Variants in PPFIA2 observed in about 807,000 individuals in gnomAD.
PPFIA2 encodes the protein PPFI scaffold protein A2, also known as liprin-alpha-2.
Under a neutral mutation model 175.5 loss-of-function variants are expected in PPFIA2, and 46 were observed. The observed-to-expected ratio is 0.26, with a 90% CI of 0.21 to 0.34. PPFIA2 has a LOEUF of 0.34. PPFIA2 is among the 10% of genes least tolerant of loss of function. The pLI, the probability that PPFIA2 is intolerant of heterozygous loss-of-function variation, is 1.00. For synonymous variants in PPFIA2, 568 were observed against 511.4 expected (o/e 1.11, Z -1.49); for missense variants, 1,179 against 1,506.1 (o/e 0.78, Z 3.60).
chr12:81,434,373 G>A (rs1450301265), intron 7 of PPFIA2, among the ~76,000 whole-genome samples: 1 of 151,992 alleles, frequency 6.6e-6, no homozygotes, highest in Admixed American at 6.6e-5. Flanking sequence ...CACTTAGCAA[G>A]TTTAACCTTG....
At chr12:81,283,305 C>T (rs2042502140) in intron 25 of PPFIA2, among the ~76,000 whole-genome samples, 1 of 151,722 alleles carries the variant, frequency 6.6e-6, no homozygotes, top group African/African-American at 2.4e-5. Flanking sequence ...CATTACAAAC[C>T]TTTTTTTAAT....
intron 4 of PPFIA2, among the ~76,000 whole-genome samples, chr12:81,542,491 A>G (rs969919445): frequency 6.6e-6 from 1 of 152,178 alleles, no homozygotes; most frequent in African/African-American, 2.4e-5. Context: ...AAATATGTGC[A>G]TATACAAGGG....
intron 4 of PPFIA2, among the ~76,000 whole-genome samples, chr12:81,660,345 T>C (rs984904618): frequency 6.6e-6 from 1 of 152,074 alleles, no homozygotes; most frequent in African/African-American, 2.4e-5. Flanking sequence ...TGCAGAGAAA[T>C]CCTTAAAGGA....
intron 22 of PPFIA2, among the ~76,000 whole-genome samples, chr12:81,320,837 C>A (rs2053502975): frequency 6.6e-6 from 1 of 151,992 alleles, no homozygotes; most frequent in Admixed American, 6.6e-5. Flanking sequence ...CAGACATCCT[C>A]ATCTTTAATC....
intron 4 of PPFIA2, among the ~76,000 whole-genome samples, chr12:81,523,104 G>A (rs868687652): frequency 1.4e-4 from 21 of 152,098 alleles, no homozygotes; most frequent in African/African-American, 4.3e-4. Context: ...TATTTCATTG[G>A]CGATAAATCT....
chr12:81,528,384 T>G (rs189195091), intron 4 of PPFIA2, among the ~76,000 whole-genome samples: 22 of 152,214 alleles, frequency 1.4e-4, no homozygotes, highest in Admixed American at 1.1e-3. Flanking sequence ...AGCTTTCTAC[T>G]GAAGAAAATA....
intron 8 of PPFIA2, among the ~76,000 whole-genome samples, chr12:81,405,531 T>G (rs1222918347): frequency 6.6e-6 from 1 of 151,854 alleles, no homozygotes; most frequent in African/African-American, 2.4e-5. Flanking sequence ...TAAATACTTT[T>G]AAGAAAATCA....
chr12:81,518,856 A>G (rs2062778353), intron 4 of PPFIA2, among the ~76,000 whole-genome samples: 1 of 152,198 alleles, frequency 6.6e-6, no homozygotes, highest in African/African-American at 2.4e-5. Context: ...TAAATTAATG[A>G]CATAATATTT....
At chr12:81,677,557 AT>A (rs917959754) in intron 3 of PPFIA2, among the ~76,000 whole-genome samples, 15 of 150,996 alleles carry the variant, frequency 9.9e-5, no homozygotes, top group Non-Finnish European at 2.1e-4. Context: ...CCATGAGATC[AT>A]TTTTTTTTAT....
At chr12:81,548,764 A>T (rs2153364033) in intron 4 of PPFIA2, among the ~76,000 whole-genome samples, 1 of 152,278 alleles carries the variant, frequency 6.6e-6, no homozygotes, top group East Asian at 1.9e-4. Context: ...TCCCAAATTC[A>T]ATGTAGTGCC....
chr12:81,611,921 A>C (rs959523702), intron 4 of PPFIA2, among the ~76,000 whole-genome samples: 1 of 151,936 alleles, frequency 6.6e-6, no homozygotes, highest in Non-Finnish European at 1.5e-5. Flanking sequence ...ACTGAACCAA[A>C]TCTCATTTCC....
At chr12:81,575,581 C>G (rs1273741580) in intron 4 of PPFIA2, among the ~76,000 whole-genome samples, 1 of 151,668 alleles carries the variant, frequency 6.6e-6, no homozygotes, top group Non-Finnish European at 1.5e-5. Flanking sequence ...ATGGGCTCTG[C>G]TCTCTGGAAA....
chr12:81,308,392 G>A (rs1234902085), intron 22 of PPFIA2, among the ~76,000 whole-genome samples: 1 of 152,122 alleles, frequency 6.6e-6, no homozygotes, highest in Non-Finnish European at 1.5e-5. Context: ...CACATTTGCA[G>A]ATGAGAACAC....
At chr12:81,461,906 T>C (rs1425131476) in intron 4 of PPFIA2, among the ~76,000 whole-genome samples, 2 of 152,056 alleles carry the variant, frequency 1.3e-5, no homozygotes, top group Non-Finnish European at 2.9e-5. Flanking sequence ...GAATTATGTG[T>C]TCGTCTCCTC....
At chr12:81,494,628 T>TA (rs1298544918) in intron 4 of PPFIA2, among the ~76,000 whole-genome samples, 2 of 151,964 alleles carry the variant, frequency 1.3e-5, no homozygotes, top group African/African-American at 2.4e-5. Flanking sequence ...CATGCTGCTA[T>TA]AAAGACACAT....
intron 4 of PPFIA2, among the ~76,000 whole-genome samples, chr12:81,627,020 C>A (rs913698680): frequency 3.3e-5 from 5 of 151,898 alleles, no homozygotes; most frequent in African/African-American, 1.2e-4. Context: ...ATGGTATTAT[C>A]AATGATTATG....
At chr12:81,524,099 G>C (rs1190680106) in intron 4 of PPFIA2, among the ~76,000 whole-genome samples, 2 of 152,170 alleles carry the variant, frequency 1.3e-5, no homozygotes, top group African/African-American at 4.8e-5. Context: ...TGTTTTCAAA[G>C]GAAGTCATGA....
intron 4 of PPFIA2, among the ~76,000 whole-genome samples, chr12:81,604,596 A>ATT (rs1018659369): frequency 2.0e-4 from 14 of 71,726 alleles, no homozygotes; most frequent in Non-Finnish European, 3.7e-4. Context: ...TCAATCGAAA[A>ATT]TTATATATAT....
intron 8 of PPFIA2, among the ~76,000 whole-genome samples, chr12:81,403,861 C>T (rs2042466773): frequency 6.6e-6 from 1 of 152,158 alleles, no homozygotes. Flanking sequence ...ACTCCAGAAG[C>T]ATGCCAGTGT....
Sources: allele counts gnomAD v4.1 joint callset (sites outside exome capture counted in the v4.1 genomes callset), GRCh38; gene constraint gnomAD v4.1.1; transcripts MANE v1.5; gene names NCBI Gene and HGNC (gene_info 2026-07-23, HGNC 2026-07-21).